Variants in ADAR observed in about 807,000 individuals in gnomAD.
The protein encoded by ADAR is adenosine deaminase RNA specific, also known as double-stranded RNA-specific adenosine deaminase.
ADAR carries 41 observed loss-of-function variants against 113.2 expected under a neutral mutation model. The observed-to-expected ratio is 0.36, with a 90% CI of 0.28 to 0.47. The LOEUF (loss-of-function observed/expected upper bound fraction) is 0.47, where lower values mean the gene tolerates loss of function less well. Among genes scored for constraint, ADAR ranks in the 20% least tolerant of loss-of-function variants. ADAR has a pLI of 1.00. For missense variants in ADAR, 1,242 were observed against 1,540.9 expected, an observed-to-expected ratio of 0.81 and a Z score of 3.25; for synonymous variants, 605 against 572.6, an observed-to-expected ratio of 1.06 and a Z score of -0.81.
In ADAR at chr1:154,586,352, T is replaced by C. The variant is rs757577923; in HGVS notation, c.3031A>G (p.Ile1011Val). 2 of 1,614,020 alleles carry C rather than the reference T, an allele frequency of 1.2e-6. No individual in the cohort carries two copies. The highest frequency in any genetic ancestry group is 1.7e-6 in the Non-Finnish European group (2 of 1,180,022). The change falls in exon 12 of 15, where the codon ATC becomes GTC. Residue 1011 changes from isoleucine to valine, a missense_variant. Transcript: ENST00000368474. The stretch of plus-strand genomic sequence containing the variant: ...ACAATGTCACTGGATTCCACAGGGA[T>C]TGTGCCTTCTCCTGTGTGAGAGACT... ...RTKVENGEGTIPVESSDIVPT... is the reference protein window; with the variant it reads ...RTKVENGEGTVPVESSDIVPT...
At position 154,584,704 on chromosome 1, in the gene ADAR, A is replaced by AT. The variant is rs1696628780; in HGVS notation, c.*101_*102insA. ...AATTATGGCTTAAAAAGAAAAAAAA[A>AT]GGAGAAAAAAAAATCCCCTGACCAT... On this transcript the variant is annotated 3_prime_UTR_variant, in exon 15 of 15. Coordinates refer to ENST00000368474, the MANE Select transcript of ADAR (RefSeq NM_001111.5). The AT allele has an allele frequency of 9.4e-7, 1 of 1,065,198 alleles. No homozygotes were observed. Among genetic ancestry groups the AT allele is most frequent in the African/African-American group, 1.6e-5 (1 of 62,424 alleles). 66.0% of individuals were successfully genotyped at this position (1,065,198 alleles called of 1,614,324 possible).
upstream of ADAR, among the ~76,000 whole-genome samples, chr1:154,609,460 T>TA (rs930856009): frequency 1.3e-5 from 2 of 152,236 alleles, no homozygotes; most frequent in African/African-American, 4.8e-5. Flanking sequence ...TTCATGGTGT[T>TA]AGTCACTCCA....
chr1:154,619,549 T>C (rs1295723745), intron 1 of ADAR, among the ~76,000 whole-genome samples: 1 of 152,208 alleles, frequency 6.6e-6, no homozygotes, highest in East Asian at 1.9e-4. Context: ...TTTTAATAGC[T>C]TTCTATAATT....
At chr1:154,625,715 C>T (rs1039325027) in intron 1 of ADAR, among the ~76,000 whole-genome samples, 2 of 150,176 alleles carry the variant, frequency 1.3e-5, no homozygotes, top group African/African-American at 2.5e-5. Context: ...AAAAATTAGC[C>T]GGGCATAGGC....
chr1:154,590,147 C>G (rs767944266), intron 7 of ADAR, 37 bp downstream of exon 7: 4 of 1,089,198 alleles, frequency 3.7e-6, no homozygotes, highest in Non-Finnish European at 5.5e-6. Context: ...GAGGACCCCC[C>G]CGCCCCAAAA....
At chr1:154,586,714 ACAG>A (rs961019140) in intron 11 of ADAR, among the ~76,000 whole-genome samples, 1 of 152,206 alleles carries the variant, frequency 6.6e-6, no homozygotes, top group Non-Finnish European at 1.5e-5. Context: ...ACCTCCTGGG[ACAG>A]CAGCAGCAGG....
At chr1:154,597,591 C>G (rs552537081) in intron 4 of ADAR, among the ~76,000 whole-genome samples, 2 of 152,138 alleles carry the variant, frequency 1.3e-5, no homozygotes, top group South Asian at 2.1e-4. Flanking sequence ...ACCTCCAAGC[C>G]GTGAACCTCC....
At chr1:154,594,117 A>G (rs1390325716) in intron 6 of ADAR, among the ~76,000 whole-genome samples, 1 of 152,162 alleles carries the variant, frequency 6.6e-6, no homozygotes, top group Non-Finnish European at 1.5e-5. Flanking sequence ...ACTGAGCTCA[A>G]ATGATCCACC....
At chr1:154,589,024 G>C (rs1696949458) in intron 9 of ADAR, among the ~76,000 whole-genome samples, 1 of 152,238 alleles carries the variant, frequency 6.6e-6, no homozygotes, top group Non-Finnish European at 1.5e-5. Flanking sequence ...GGGGCATCAA[G>C]GTTGTGTAGG....
intron 9 of ADAR, among the ~76,000 whole-genome samples, chr1:154,589,043 C>T (rs954878638): frequency 6.6e-6 from 1 of 152,080 alleles, no homozygotes; most frequent in Non-Finnish European, 1.5e-5. Context: ...GGTCCTCAAA[C>T]GGAAATGGAA....
rs1696523946 is a variant in ADAR, at chr1:154,583,250, T to C, written c.*1556A>G. 1 of 152,262 alleles carries C rather than the reference T, an allele frequency of 6.6e-6. No homozygotes were observed. Among genetic ancestry groups the C allele is most frequent in the Non-Finnish European group, 1.5e-5 (1 of 68,066 alleles). 9.4% of individuals were successfully genotyped at this position (152,262 alleles called of 1,614,324 possible). ...TAAAAGCAGCATCACAAAACTGGAC[T>C]GCAGCCATCACCACGGCACCAAGTC... On this transcript the variant is annotated 3_prime_UTR_variant, in exon 15 of 15. Transcript: ENST00000368474.
intron 4 of ADAR, 36 bp from the exon 5 acceptor site, chr1:154,597,303 G>C (rs972843341): frequency 1.2e-6 from 2 of 1,613,324 alleles, no homozygotes; most frequent in African/African-American, 2.7e-5. Flanking sequence ...GGATTAAAAT[G>C]GTTTTGACTG....
At chr1:154,620,944 A>C (rs1698776511) in intron 1 of ADAR, among the ~76,000 whole-genome samples, 1 of 152,240 alleles carries the variant, frequency 6.6e-6, no homozygotes, top group Non-Finnish European at 1.5e-5. Flanking sequence ...TCTTGGCTAC[A>C]TGCTGAAAAG....
At position 154,586,330 on chromosome 1, in the gene ADAR, A is replaced by G. The variant is rs1326836803; in HGVS notation, c.3053T>C (p.Ile1018Thr). The G allele has an allele frequency of 2.5e-6, 4 of 1,614,168 alleles. No homozygotes were observed. Among genetic ancestry groups the G allele is most frequent in the Admixed American group, 1.7e-5 (1 of 60,018 alleles). ...EGTIPVESSD[I>T]VPTWDGIRLG... Reference sequence around the variant, plus strand: ...CCGAATGCCATCCCACGTAGGCACAATGTCACTGGATTCCACAGGGATTGT... The same window carrying G: ...CCGAATGCCATCCCACGTAGGCACAGTGTCACTGGATTCCACAGGGATTGT... The change falls in exon 12 of 15, where the codon ATT becomes ACT. Residue 1018 changes from isoleucine to threonine, a missense_variant. Coordinates refer to ENST00000368474, the MANE Select transcript of ADAR (RefSeq NM_001111.5).
In ADAR at chr1:154,590,427, G is replaced by C. The variant is rs1697069178; in HGVS notation, c.2271-18C>G. 1 of 1,611,670 alleles carries C rather than the reference G, an allele frequency of 6.2e-7. No homozygotes were observed. Among genetic ancestry groups the C allele is most frequent in the Non-Finnish European group, 8.5e-7 (1 of 1,177,760 alleles). On this transcript the variant is annotated intron_variant, in intron 6 of 14. Transcript: ENST00000368474. ...AAACGAACCTTTGGGATGAGAAACAGAGAATGAAGACAAGTGCCAGACCCT... is the reference window on the plus strand; with the variant it reads ...AAACGAACCTTTGGGATGAGAAACACAGAATGAAGACAAGTGCCAGACCCT...
At chr1:154,588,704 G>C (rs1571060896) in intron 9 of ADAR, 31 bp from the exon 10 acceptor site, 1 of 1,613,946 alleles carries the variant, frequency 6.2e-7, no homozygotes, top group Non-Finnish European at 8.5e-7. Context: ...TAGGAAGGCA[G>C]GTTCAATTCT....
At chr1:154,623,863 G>T (rs1698860781) in intron 1 of ADAR, among the ~76,000 whole-genome samples, 1 of 151,918 alleles carries the variant, frequency 6.6e-6, no homozygotes, top group Non-Finnish European at 1.5e-5. Context: ...ATTAGCCGGG[G>T]GTAGTGACGG....
At chr1:154,608,330 T>C (rs1442766211), upstream of ADAR, 1 of 138,204 alleles carries the variant, frequency 7.2e-6, no homozygotes. Flanking sequence ...CGGAAGGTAC[T>C]TTTTTTTTTT....
rs575867874 is a variant in ADAR, at chr1:154,624,996, C to T, written c.-871+2859G>A. Among the ~76,000 whole-genome samples, 304 of 152,288 alleles carry T rather than the reference C, an allele frequency of 2.0e-3. 2 individuals are homozygous for T. The highest frequency in any genetic ancestry group is 7.1e-3 in the African/African-American group (294 of 41,568). On this transcript the variant is annotated intron_variant, in intron 1 of 14. Transcript: ENST00000368471. ...AGCCTGTGTGTAATAAGCACTGGGCCTCCTTCTGGCAGAAATAACAATGCC... is the reference window on the plus strand; with the variant it reads ...AGCCTGTGTGTAATAAGCACTGGGCTTCCTTCTGGCAGAAATAACAATGCC...
Sources: gnomAD v4.1 joint callset for allele counts (sites outside exome capture counted in the v4.1 genomes callset) on GRCh38, gnomAD v4.1.1 for gene constraint, MANE v1.5 for transcripts, NCBI Gene and HGNC (gene_info 2026-07-23, HGNC 2026-07-21) for gene names.